INSL6: variants seen among roughly 807,000 people sequenced by gnomAD.
INSL6 encodes the protein insulin like 6, also known as insulin-like peptide INSL6.
Under a neutral mutation model 9.4 loss-of-function variants are expected in INSL6, and 16 were observed. The ratio of observed to expected loss-of-function variants is 1.70; its 90% confidence interval spans 1.15 to 2.59. INSL6 has a LOEUF of 2.59. INSL6 is among the 30% of genes most tolerant of loss of function. The probability of loss-of-function intolerance (pLI) is 0.00; values close to 1 mark genes in which losing one functional copy is unlikely to be tolerated. For synonymous variants in INSL6, 154 were observed against 96.9 expected (o/e 1.59, Z -3.46); for missense variants, 391 against 257.3 (o/e 1.52, Z -3.56).
At chr9:5,007,100 T>C in the INSL6 span, among the ~76,000 whole-genome samples, 2 of 152,086 alleles carry the variant, frequency 1.3e-5, no homozygotes, top group South Asian at 4.1e-4. Context: ...CTTTTCTTTA[T>C]TTTATTTTTA....
At chr9:5,029,697 C>G in the INSL6 span, 1 of 1,256,858 alleles carries the variant, frequency 8.0e-7, no homozygotes, top group Non-Finnish European at 1.1e-6. Context: ...AGAGTTGTTA[C>G]TTTAGCTTCA....
chr9:5,062,798 C>T, the INSL6 span, among the ~76,000 whole-genome samples: 1,073 of 152,154 alleles, frequency 7.1e-3, 10 homozygotes, highest in African/African-American at 0.025. Flanking sequence ...TGTTATATTT[C>T]ATTTCCTTAA....
the INSL6 span, among the ~76,000 whole-genome samples, chr9:5,052,177 C>T: frequency 5.5e-4 from 83 of 152,154 alleles, no homozygotes; most frequent in Non-Finnish European, 9.3e-4. Flanking sequence ...CTTAAGCTAT[C>T]GTGGAATATT....
the INSL6 span, among the ~76,000 whole-genome samples, chr9:5,047,470 C>T: frequency 6.6e-6 from 1 of 152,178 alleles, no homozygotes; most frequent in African/African-American, 2.4e-5. Flanking sequence ...AAACTGCTGA[C>T]ATGTGAACAA....
chr9:5,064,057 G>A, the INSL6 span, among the ~76,000 whole-genome samples: 1 of 152,184 alleles, frequency 6.6e-6, no homozygotes, highest in Non-Finnish European at 1.5e-5. Flanking sequence ...TTGGGAGACT[G>A]AGACAGGAGA....
rs780234860 is a variant in INSL6 at position 5,164,167 on chromosome 9, C to A, written c.388G>T (p.Glu130Ter). Residue 130 changes from glutamate (E) to a stop codon, truncating the protein, a stop_gained, in exon 2 of 2, where the codon GAA becomes TAA. Coordinates refer to ENST00000381641, the MANE Select transcript of INSL6 (RefSeq NM_007179.3). LOFTEE classifies it low-confidence loss of function (END_TRUNC). ...TTGATATTATGTGATGAAGAAAATT[C>A]TCTTGTCTTACCAAGGGGTGAATAT... ...KGYSPLGKTREFSSSHNINVY... is the reference protein window; with the variant it reads ...KGYSPLGKTR 5.0e-6 allele frequency: 8 copies of A among 1,607,396 alleles called. No homozygotes were observed. The highest frequency in any genetic ancestry group is 6.8e-6 in the Non-Finnish European group (8 of 1,177,186).
chr9:5,147,132 G>C (rs1824615181), intron 2 of INSL6, among the ~76,000 whole-genome samples: 1 of 152,138 alleles, frequency 6.6e-6, no homozygotes, highest in Middle Eastern at 3.2e-3. Context: ...ACATCAGTTA[G>C]TTGCTGCTCT....
At chr9:5,128,861 C>T (rs755278378) in intron 3 of INSL6, among the ~76,000 whole-genome samples, 14 of 151,884 alleles carry the variant, frequency 9.2e-5, no homozygotes, top group South Asian at 2.1e-4. Flanking sequence ...ATATTTTTCA[C>T]GTTAATATTC....
chr9:5,071,934 C>T, the INSL6 span, among the ~76,000 whole-genome samples: 146 of 152,290 alleles, frequency 9.6e-4, no homozygotes, highest in African/African-American at 3.2e-3. Context: ...ATACTTAATG[C>T]ACATTTACTA....
chr9:5,126,263 G>A, intron 3 of INSL6: 1 of 1,098,792 alleles, frequency 9.1e-7, no homozygotes, highest in East Asian at 2.5e-5. Context: ...CCCATTGACT[G>A]GAGGAAATTG....
the INSL6 span, chr9:5,072,770 G>T: frequency 2.1e-6 from 1 of 479,240 alleles, no homozygotes; most frequent in Non-Finnish European, 3.5e-6. Flanking sequence ...ACATTCTTGT[G>T]GGGCTATAGA....
At chr9:5,142,483 C>T (rs535732456) in intron 2 of INSL6, among the ~76,000 whole-genome samples, 206 of 152,128 alleles carry the variant, frequency 1.4e-3, no homozygotes, top group Admixed American at 2.2e-3. Flanking sequence ...AGTTTGTTCC[C>T]GATTTGGCTC....
the INSL6 span, among the ~76,000 whole-genome samples, chr9:5,034,660 G>A: frequency 4.6e-5 from 7 of 151,936 alleles, no homozygotes; most frequent in African/African-American, 1.7e-4. Flanking sequence ...ACGAAATGAC[G>A]GCAGAAATAA....
the INSL6 span, among the ~76,000 whole-genome samples, chr9:5,079,537 T>A: frequency 6.6e-6 from 1 of 152,094 alleles, no homozygotes; most frequent in Non-Finnish European, 1.5e-5. Flanking sequence ...GCCATGGCTA[T>A]TAAATCATTA....
At chr9:5,064,736 T>G in the INSL6 span, 2 of 487,810 alleles carry the variant, frequency 4.1e-6, no homozygotes, top group Admixed American at 7.8e-5. Flanking sequence ...ACATGAGAAT[T>G]TGTAATTCAT....
At chr9:5,103,154 C>T in the INSL6 span, among the ~76,000 whole-genome samples, 1 of 131,944 alleles carries the variant, frequency 7.6e-6, no homozygotes, top group South Asian at 2.5e-4. Flanking sequence ...AGACCAATCT[C>T]ATGTGCAGAG....
the INSL6 span, among the ~76,000 whole-genome samples, chr9:5,066,247 G>C: frequency 6.6e-6 from 1 of 151,944 alleles, no homozygotes; most frequent in African/African-American, 2.4e-5. Flanking sequence ...CTTTGTTATC[G>C]TACTGAATAA....
the INSL6 span, chr9:5,112,810 G>A: frequency 1.8e-6 from 1 of 547,220 alleles, no homozygotes. Flanking sequence ...CTGCCCACCT[G>A]GGCTTGAGTG....
At chr9:5,137,059 A>T (rs181079050) in intron 2 of INSL6, among the ~76,000 whole-genome samples, 3 of 152,344 alleles carry the variant, frequency 2.0e-5, no homozygotes, top group Admixed American at 6.5e-5. Context: ...CCAACTTACA[A>T]GGGATGTGAA....
Sources: gnomAD v4.1 joint callset for allele counts (sites outside exome capture counted in the v4.1 genomes callset) on GRCh38, gnomAD v4.1.1 for gene constraint, MANE v1.5 for transcripts, NCBI Gene and HGNC (gene_info 2026-07-23, HGNC 2026-07-21) for gene names.